Variants in STPG2 observed in about 807,000 individuals in gnomAD.
STPG2 encodes sperm-tail PG-rich repeat-containing protein 2.
STPG2 carries 56 observed loss-of-function variants against 54.2 expected under a neutral mutation model. The observed-to-expected ratio is 1.03, with a 90% CI of 0.83 to 1.29. STPG2 has a LOEUF of 1.29. STPG2 is among the 50% of genes most tolerant of loss of function. The pLI is 0.00. For synonymous variants in STPG2, 200 were observed against 181.8 expected (o/e 1.10, Z -0.81); for missense variants, 596 against 544.9 (o/e 1.09, Z -0.93).
intron 4 of STPG2, among the ~76,000 whole-genome samples, chr4:97,526,046 T>A (rs1236714880): frequency 6.6e-6 from 1 of 152,110 alleles, no homozygotes; most frequent in Non-Finnish European, 1.5e-5. Flanking sequence ...AAATAATTTT[T>A]AAATTCCAAA....
chr4:98,111,193 C>T (rs1250232819), intron 3 of STPG2, among the ~76,000 whole-genome samples: 1 of 152,034 alleles, frequency 6.6e-6, no homozygotes, highest in Non-Finnish European at 1.5e-5. Flanking sequence ...CTTAACATCC[C>T]CAGAACCAGA....
intron 9 of STPG2, among the ~76,000 whole-genome samples, chr4:97,736,447 T>C (rs1021739088): frequency 2.0e-5 from 3 of 152,176 alleles, no homozygotes; most frequent in African/African-American, 4.8e-5. Flanking sequence ...GGGAGTTCCC[T>C]TTCCTAGTCA....
intron 7 of STPG2, among the ~76,000 whole-genome samples, chr4:97,951,883 G>A (rs1170022411): frequency 1.3e-5 from 2 of 152,120 alleles, no homozygotes; most frequent in Non-Finnish European, 2.9e-5. Flanking sequence ...ATATGTAATG[G>A]TAGGCAGAGG....
intron 9 of STPG2, among the ~76,000 whole-genome samples, chr4:97,812,440 T>A (rs1315353468): frequency 6.6e-6 from 1 of 152,146 alleles, no homozygotes; most frequent in Non-Finnish European, 1.5e-5. Context: ...CATTTACTTC[T>A]AAAATTGGAT....
intron 3 of STPG2, among the ~76,000 whole-genome samples, chr4:98,110,406 C>T (rs1739313150): frequency 6.6e-6 from 1 of 152,110 alleles, no homozygotes; most frequent in Non-Finnish European, 1.5e-5. Flanking sequence ...ATATGACCCT[C>T]TAGGCGCATT....
At chr4:97,929,222 G>A (rs527669278) in intron 8 of STPG2, among the ~76,000 whole-genome samples, 1 of 152,020 alleles carries the variant, frequency 6.6e-6, no homozygotes, top group African/African-American at 2.4e-5. Context: ...TTTTTTATGG[G>A]TGCATAGTAT....
At chr4:97,964,243 T>C (rs1436071315) in intron 7 of STPG2, among the ~76,000 whole-genome samples, 2 of 152,124 alleles carry the variant, frequency 1.3e-5, no homozygotes, top group Admixed American at 1.3e-4. Flanking sequence ...ACAAGGCAGA[T>C]GGGGCAAAAT....
chr4:97,453,636 G>A lies in STPG2; in HGVS notation c.462+259063C>T, dbSNP rs180935369. 4.2e-3 allele frequency among the ~76,000 whole-genome samples: 642 copies of A among 152,320 alleles called. 3 individuals are homozygous for A. Among genetic ancestry groups the A allele is most frequent in the South Asian group, 0.02 (98 of 4,830 alleles). On this transcript the variant is annotated intron_variant, in intron 4 of 4. Coordinates refer to the STPG2 transcript ENST00000522676. ...AAAGGAGGGTAAGAGAGTCAATTCA[G>A]GCCTCCTGTTTCCCATCCCCAAATG... is the stretch of plus-strand genomic sequence containing the variant.
chr4:98,028,439 T>G (rs915602174), intron 5 of STPG2, among the ~76,000 whole-genome samples: 8 of 152,276 alleles, frequency 5.3e-5, no homozygotes, highest in Admixed American at 3.9e-4. Context: ...TAGGACACAA[T>G]TTAGCTACAC....
intron 10 of STPG2, among the ~76,000 whole-genome samples, chr4:97,707,800 A>T (rs1723996629): frequency 6.6e-6 from 1 of 152,208 alleles, no homozygotes; most frequent in Admixed American, 6.5e-5. Flanking sequence ...CATAGAATCG[A>T]AGACAAAAAT....
rs1739896285 is a variant in STPG2, at chr4:98,128,559, C to G, written c.256G>C (p.Val86Leu). ...ISRSPTLTRS[V>L]DVPSIPSCGK... ...CAAGAAGGAATTGAAGGAACATCAA[C>G]ACTTCTGGTAAGTGTAGGTGATCTT... The change falls in exon 3 of 11, where the codon GTT becomes CTT. Residue 86 changes from valine to leucine, a missense_variant. Coordinates refer to ENST00000295268, the MANE Select transcript of STPG2 (RefSeq NM_174952.3). 6.2e-7 allele frequency: 1 copy of G among 1,610,738 alleles called. No individual in the cohort carries two copies.
intron 5 of STPG2, among the ~76,000 whole-genome samples, chr4:98,060,889 C>T (rs1737631165): frequency 6.6e-6 from 1 of 152,136 alleles, no homozygotes; most frequent in Non-Finnish European, 1.5e-5. Context: ...AACTGGACCC[C>T]TTCCTTTTGC....
intron 10 of STPG2, among the ~76,000 whole-genome samples, chr4:97,571,045 T>C (rs535985945): frequency 2.8e-4 from 42 of 152,198 alleles, no homozygotes; most frequent in African/African-American, 1.0e-3. Context: ...TATTTAAAAA[T>C]ACATGGTTAA....
In STPG2 at chr4:98,019,412, T is replaced by C. The variant is rs185225018; in HGVS notation, c.613-38094A>G. Among the ~76,000 whole-genome samples the C allele has an allele frequency of 5.9e-3, 890 of 151,966 alleles. 6 individuals are homozygous for C. Among genetic ancestry groups the C allele is most frequent in the Middle Eastern group, 0.02 (6 of 294 alleles). On this transcript the variant is annotated intron_variant, in intron 5 of 10. Coordinates refer to ENST00000295268, the MANE Select transcript of STPG2 (RefSeq NM_174952.3). ...GTTACCAGTACCATGATGTTTTGGT[T>C]ACTGTAACCTTGTAGTATAGTTTGA...
At chr4:97,639,595 GT>G (rs1291197764) in intron 10 of STPG2, among the ~76,000 whole-genome samples, 2 of 151,650 alleles carry the variant, frequency 1.3e-5, no homozygotes, top group Non-Finnish European at 2.9e-5. Context: ...AATTAAAATG[GT>G]TTAAACAAAG....
At chr4:98,102,130 T>A (rs746951957) in intron 5 of STPG2, among the ~76,000 whole-genome samples, 1 of 152,216 alleles carries the variant, frequency 6.6e-6, no homozygotes, top group Non-Finnish European at 1.5e-5. Context: ...CATTATGATA[T>A]GTATTCCATT....
chr4:97,581,018 T>C (rs112716311), intron 10 of STPG2, among the ~76,000 whole-genome samples: 3 of 152,218 alleles, frequency 2.0e-5, no homozygotes, highest in African/African-American at 4.8e-5. Context: ...TATTTACTTA[T>C]ATTTATTTGG....
At chr4:98,117,642 A>C (rs1299765153) in intron 3 of STPG2, among the ~76,000 whole-genome samples, 1 of 152,062 alleles carries the variant, frequency 6.6e-6, no homozygotes, top group Non-Finnish European at 1.5e-5. Context: ...ATCAGACTGC[A>C]TAATATCAAT....
chr4:97,931,599 G>C (rs1445175430), intron 8 of STPG2, among the ~76,000 whole-genome samples: 1 of 152,082 alleles, frequency 6.6e-6, no homozygotes, highest in Non-Finnish European at 1.5e-5. Flanking sequence ...TTTTGTTGAG[G>C]ATTTTTGCAT....
Sources: gnomAD v4.1 joint callset for allele counts (sites outside exome capture counted in the v4.1 genomes callset) on GRCh38, gnomAD v4.1.1 for gene constraint, MANE v1.5 for transcripts, NCBI Gene and HGNC (gene_info 2026-07-23, HGNC 2026-07-21) for gene names.